ZMAT4: variants seen among roughly 807,000 people sequenced by gnomAD.
ZMAT4 encodes zinc finger matrin-type protein 4.
Under a neutral mutation model 28.7 loss-of-function variants are expected in ZMAT4, and 17 were observed. That is an observed-to-expected ratio of 0.59 (90% CI 0.41 to 0.89). ZMAT4 has a LOEUF of 0.89. Ranked by LOEUF, ZMAT4 falls within the 40% of genes least tolerant of loss-of-function variation. ZMAT4 has a pLI of 0.00. For synonymous variants in ZMAT4, 117 were observed against 109.2 expected (o/e 1.07, Z -0.44); for missense variants, 240 against 283.8 (o/e 0.85, Z 1.11).
intron 1 of ZMAT4, among the ~76,000 whole-genome samples, chr8:40,874,634 A>G (rs1259989702): frequency 6.6e-6 from 1 of 152,138 alleles, no homozygotes; most frequent in East Asian, 1.9e-4. Flanking sequence ...TATACTTAGA[A>G]TGTGTTTCTC....
intron 2 of ZMAT4, chr8:40,808,521 A>G (rs1745184219): frequency 2.2e-6 from 1 of 455,756 alleles, no homozygotes; most frequent in Non-Finnish European, 4.4e-6. Flanking sequence ...TGACTTATTG[A>G]CACAGCTAGT....
intron 5 of ZMAT4, among the ~76,000 whole-genome samples, chr8:40,617,344 C>T (rs946903974): frequency 6.6e-6 from 1 of 152,126 alleles, no homozygotes; most frequent in Non-Finnish European, 1.5e-5. Context: ...CAATCAGTGC[C>T]CCAAGGCTAG....
intron 1 of ZMAT4, among the ~76,000 whole-genome samples, chr8:40,849,045 G>T (rs959868145): frequency 6.6e-6 from 1 of 152,244 alleles, no homozygotes; most frequent in Non-Finnish European, 1.5e-5. Context: ...CTGCTGTCAG[G>T]CTGGAGGTGC....
intron 1 of ZMAT4, among the ~76,000 whole-genome samples, chr8:40,874,832 G>A (rs1020933303): frequency 6.6e-6 from 1 of 152,126 alleles, no homozygotes; most frequent in African/African-American, 2.4e-5. Flanking sequence ...GCGTGGTTTC[G>A]GACATGGCTT....
At chr8:40,881,797 A>G (rs1183858870) in intron 1 of ZMAT4, among the ~76,000 whole-genome samples, 1 of 152,072 alleles carries the variant, frequency 6.6e-6, no homozygotes, top group South Asian at 2.1e-4. Flanking sequence ...TTTTTTCCAT[A>G]CAGAGATGGG....
chr8:40,577,059 T>C (rs1424057088), intron 6 of ZMAT4, among the ~76,000 whole-genome samples: 1 of 152,098 alleles, frequency 6.6e-6, no homozygotes, highest in African/African-American at 2.4e-5. Flanking sequence ...CCAGGCATTA[T>C]GGTGGATGCC....
At position 40,829,802 on chromosome 8, in the gene ZMAT4, T is replaced by C. The variant is rs549325551; in HGVS notation, c.-4-4122A>G. Among the ~76,000 whole-genome samples the C allele has an allele frequency of 5.9e-5, 9 of 152,218 alleles. No individual in the cohort carries two copies. The South Asian group carries it at 8.3e-4, about 14-fold the overall frequency. ...GTTGAAAATTTGAGGATGGATAGGA[T>C]TAGAGTGGAGAGAAATGAGTTCCAA... On this transcript the variant is annotated intron_variant, in intron 1 of 6. Coordinates refer to ENST00000297737, the MANE Select transcript of ZMAT4 (RefSeq NM_024645.3).
chr8:40,572,951 A>G (rs1385954744), intron 6 of ZMAT4, among the ~76,000 whole-genome samples: 2 of 152,176 alleles, frequency 1.3e-5, no homozygotes, highest in Non-Finnish European at 2.9e-5. Context: ...TCTGCTAACA[A>G]TTACTTTTAG....
At chr8:40,560,769 G>T (rs1008732108) in intron 6 of ZMAT4, among the ~76,000 whole-genome samples, 25 of 151,902 alleles carry the variant, frequency 1.6e-4, no homozygotes, top group African/African-American at 5.8e-4. Flanking sequence ...GTTTTACCTA[G>T]AAATGCCCCC....
intron 1 of ZMAT4, among the ~76,000 whole-genome samples, chr8:40,880,189 G>T (rs1190929430): frequency 2.0e-5 from 3 of 152,136 alleles, no homozygotes; most frequent in African/African-American, 7.2e-5. Flanking sequence ...CCCACATGGT[G>T]AAACCCCATT....
At chr8:40,612,716 A>G (rs77507520) in intron 5 of ZMAT4, among the ~76,000 whole-genome samples, 6,474 of 134,728 alleles carry the variant, frequency 0.048, 1,522 homozygotes, top group Middle Eastern at 0.11. Context: ...ATTCTACTCA[A>G]TCCCCTCCCC....
chr8:40,601,574 GA>G (rs1203465765), intron 5 of ZMAT4, among the ~76,000 whole-genome samples: 1 of 5,298 alleles, frequency 1.9e-4, no homozygotes, highest in Non-Finnish European at 5.5e-4. Flanking sequence ...AAGAAAGAAA[GA>G]AAGAAAGAAA....
chr8:40,735,134 T>G (rs565085769), intron 3 of ZMAT4, among the ~76,000 whole-genome samples: 16 of 152,308 alleles, frequency 1.1e-4, no homozygotes, highest in African/African-American at 3.6e-4. Context: ...TGCTCAGAAC[T>G]CCAAATTTAA....
Position 40,753,347 on chromosome 8 carries a change from A to G in ZMAT4, c.192+14294T>C, listed in dbSNP as rs112697561. On this transcript the variant is annotated intron_variant, in intron 3 of 6. Coordinates refer to ENST00000297737, the MANE Select transcript of ZMAT4 (RefSeq NM_024645.3). ...GAATTATCACACCACACTCTTCCCC[A>G]CCATCACTGCAAAACATATATCTCT... 9.5e-3 allele frequency among the ~76,000 whole-genome samples: 1,446 copies of G among 152,128 alleles called. 23 individuals carry two copies. Among genetic ancestry groups the G allele is most frequent in the African/African-American group, 0.034 (1,396 of 41,488 alleles).
intron 6 of ZMAT4, among the ~76,000 whole-genome samples, chr8:40,572,274 T>C (rs1170206742): frequency 1.3e-5 from 2 of 152,040 alleles, no homozygotes; most frequent in African/African-American, 4.8e-5. Context: ...CCCAAATAAA[T>C]GAGTATAATG....
chr8:40,816,930 C>T (rs575164696), intron 2 of ZMAT4, among the ~76,000 whole-genome samples: 11 of 152,232 alleles, frequency 7.2e-5, no homozygotes, highest in South Asian at 4.2e-4. Context: ...CCATGAGAGA[C>T]GGCATTTTTA....
chr8:40,872,341 A>T lies in ZMAT4; in HGVS notation c.-5+25342T>A, dbSNP rs1817888503. Among the ~76,000 whole-genome samples, 3 of 152,214 alleles carry T rather than the reference A, an allele frequency of 2.0e-5. No individual in the cohort carries two copies. The South Asian group carries it at 6.2e-4, about 32-fold the overall frequency. ...GCCCAGCCCTCCAGGTGCCAGCGGA[A>T]ACATCCTTCCTTCAGACACAAGTCA... On this transcript the variant is annotated intron_variant, in intron 1 of 6. Transcript: ENST00000297737.
chr8:40,773,021 A>T (rs996483963), intron 2 of ZMAT4, among the ~76,000 whole-genome samples: 18 of 152,234 alleles, frequency 1.2e-4, no homozygotes, highest in African/African-American at 4.1e-4. Flanking sequence ...CCCAGGGATG[A>T]GCCCTGGAAA....
intron 2 of ZMAT4, among the ~76,000 whole-genome samples, chr8:40,810,081 C>A (rs1249081823): frequency 6.6e-6 from 1 of 151,986 alleles, no homozygotes; most frequent in Non-Finnish European, 1.5e-5. Flanking sequence ...TATATATACA[C>A]ACACATGCAC....
Sources: gnomAD v4.1 joint callset for allele counts (sites outside exome capture counted in the v4.1 genomes callset) on GRCh38, gnomAD v4.1.1 for gene constraint, MANE v1.5 for transcripts, NCBI Gene and HGNC (gene_info 2026-07-23, HGNC 2026-07-21) for gene names.